Variants in CDC42EP5 observed in about 807,000 individuals in gnomAD.
CDC42EP5 encodes the protein CDC42 effector protein (Rho GTPase binding) 5.
For missense variants in CDC42EP5, 269 were observed against 238.0 expected (o/e 1.13, Z -0.86); for synonymous variants, 118 against 123.3 (o/e 0.96, Z 0.28).
At chr19:54,468,920 C>CTTCTTTCTTTCTTTCT (rs144128477) in intron 2 of CDC42EP5, among the ~76,000 whole-genome samples, 294 of 123,410 alleles carry the variant, frequency 2.4e-3, no homozygotes, top group South Asian at 4.8e-3. Context: ...TCCTTCCTTC[C>CTTCTTTCTTTCTTTCT]TTCTTTCTTT....
Position 54,465,164 on chromosome 19 carries a change from C to T in CDC42EP5, c.384G>A (p.Gln128=). 7.1e-7 allele frequency: 1 copy of T among 1,410,870 alleles called. No individual in the cohort carries two copies. The highest frequency in any genetic ancestry group is 9.2e-7 in the Non-Finnish European group (1 of 1,090,306). 87.4% of individuals were successfully genotyped at this position (1,410,870 alleles called of 1,614,324 possible). ...KPDAEPRPGT[Q]PPQARCRPNA... Reference sequence around the variant, plus strand: ...TGGGGCGGCAGCGGGCCTGGGGGGGCTGCGTCCCGGGGCGGGGTTCCGCGT... The same window carrying T: ...TGGGGCGGCAGCGGGCCTGGGGGGGTTGCGTCCCGGGGCGGGGTTCCGCGT... Residue 128 remains glutamine (Q), a synonymous_variant, in exon 3 of 3, where the codon CAG becomes CAA. Coordinates refer to ENST00000301200, the MANE Select transcript of CDC42EP5 (RefSeq NM_145057.4).
chr19:54,465,411 G>A lies in CDC42EP5; in HGVS notation c.137C>T (p.Thr46Ile), dbSNP rs761280702. 5.0e-6 allele frequency: 7 copies of A among 1,399,882 alleles called. 1 individual carries two copies. The South Asian group carries it at 7.2e-5, about 14-fold the overall frequency. The allele number at this position is 1,399,882 out of a possible 1,614,324, so 86.7% of individuals were successfully genotyped here. A position where few individuals can be genotyped will look rare whatever the true frequency, so the allele number is the denominator to read the frequency against. Residue 46 changes from threonine to isoleucine, a missense_variant, in exon 3 of 3, where the codon ACC becomes ATC. By Grantham distance (89) the Thr-to-Ile change is moderately conservative. Transcript: ENST00000301200. The part of the protein sequence containing the change: ...VGRGGDAFGD[T>I]SFLSRHGGGP... ...GCCGCCGTGGCGGCTCAGGAACGAG[G>A]TGTCCCCGAAGGCGTCGCCGCCGCG...
chr19:54,465,311 G>A lies in CDC42EP5; in HGVS notation c.237C>T (p.Ser79=). 8.2e-7 allele frequency: 1 copy of A among 1,214,812 alleles called. No individual in the cohort carries two copies. 75.3% of individuals were successfully genotyped at this position (1,214,812 alleles called of 1,614,324 possible). A position where few individuals can be genotyped will look rare whatever the true frequency, so the allele number is the denominator to read the frequency against. The change falls in exon 3 of 3, where the codon TCC becomes TCT. Residue 79 remains serine, a synonymous_variant. Transcript: ENST00000301200. ...RSPPPPAVPQ[S]AAPSPADPLL... ...GCGGGTCGGCAGGCGAGGGCGCTGC[G>A]GACTGCGGGACGGCGGGCGGCGGCG...
chr19:54,465,351 C>T lies in CDC42EP5; in HGVS notation c.197G>A (p.Gly66Glu), dbSNP rs1214161489. 8.6e-7 allele frequency: 1 copy of T among 1,161,164 alleles called. No individual in the cohort carries two copies. The highest frequency in any genetic ancestry group is 1.1e-6 in the Non-Finnish European group (1 of 942,952). The allele number at this position is 1,161,164 out of a possible 1,614,324, so 71.9% of individuals were successfully genotyped here. ...PPPEPRAPPA[G>E]APRSPPPPAV... The stretch of plus-strand genomic sequence containing the variant: ...GGGCGGCGGCGGGGAGCGCGGGGCC[C>T]CCGCGGGGGGCGCCCGGGGCTCGGG... Residue 66 changes from glycine (G) to glutamate (E), a missense_variant, in exon 3 of 3, where the codon GGG becomes GAG. Gly to Glu is a moderately conservative substitution (Grantham distance 98). Coordinates refer to ENST00000301200, the MANE Select transcript of CDC42EP5 (RefSeq NM_145057.4).
intron 2 of CDC42EP5, among the ~76,000 whole-genome samples, chr19:54,468,483 G>A (rs895959724): frequency 5.3e-5 from 8 of 151,562 alleles, no homozygotes; most frequent in Non-Finnish European, 7.4e-5. Context: ...TATTTTTATC[G>A]TTACCTAGCA....
At chr19:54,467,568 C>T (rs1478505294) in intron 2 of CDC42EP5, among the ~76,000 whole-genome samples, 2 of 137,926 alleles carry the variant, frequency 1.5e-5, no homozygotes, top group Non-Finnish European at 3.1e-5. Context: ...GCACCAAATT[C>T]TTTTTTTTTT....
chr19:54,471,419 G>A (rs2084835518), intron 2 of CDC42EP5, 126 bp downstream of exon 2: 1 of 152,032 alleles, frequency 6.6e-6, no homozygotes, highest in Non-Finnish European at 1.5e-5. Flanking sequence ...CCCCAGATGG[G>A]GAGACCCCCG....
In CDC42EP5 at chr19:54,466,112, C is replaced by T. The variant is rs1388956452; in HGVS notation, c.1-565G>A. 6.6e-5 allele frequency among the ~76,000 whole-genome samples: 10 copies of T among 152,238 alleles called. No homozygotes were observed. The East Asian group carries it at 1.2e-3, about 18-fold the overall frequency. On this transcript the variant is annotated intron_variant, in intron 2 of 2. Transcript: ENST00000301200. ...GTCAAGTAACAAATATTTCACAAAC[C>T]CTTCAGAGTGCTTCCCAGACTTGAC...
At chr19:54,465,997 T>G (rs1347366344) in intron 2 of CDC42EP5, among the ~76,000 whole-genome samples, 1 of 152,164 alleles carries the variant, frequency 6.6e-6, no homozygotes, top group Non-Finnish European at 1.5e-5. Flanking sequence ...GCTGCTGAGC[T>G]CACATTTGGA....
chr19:54,465,597 C>A, intron 2 of CDC42EP5, 50 bp from the exon 3 acceptor site: 2 of 1,399,192 alleles, frequency 1.4e-6, no homozygotes, highest in Middle Eastern at 2.6e-4. Context: ...GGGCTCGCAG[C>A]CACGCGACTG....
At chr19:54,468,779 T>G (rs1338468545) in intron 2 of CDC42EP5, among the ~76,000 whole-genome samples, 11 of 151,212 alleles carry the variant, frequency 7.3e-5, no homozygotes, top group African/African-American at 2.4e-4. Flanking sequence ...CTCAAACTCC[T>G]GAGCTCAAGC....
intron 2 of CDC42EP5, among the ~76,000 whole-genome samples, chr19:54,467,819 G>A (rs1241619202): frequency 6.6e-6 from 1 of 152,152 alleles, no homozygotes; most frequent in Non-Finnish European, 1.5e-5. Context: ...CACCACGCCC[G>A]GCCTAAATTC....
intron 2 of CDC42EP5, among the ~76,000 whole-genome samples, chr19:54,470,399 GAGAGAGAAAA>G (rs1247730506): frequency 1.3e-4 from 19 of 147,904 alleles, no homozygotes; most frequent in Non-Finnish European, 2.7e-4. Flanking sequence ...AAAGGAGAGA[GAGAGAGAAAA>G]AGAGAGAGAA....
At chr19:54,468,847 C>T (rs1337659430) in intron 2 of CDC42EP5, among the ~76,000 whole-genome samples, 1 of 148,424 alleles carries the variant, frequency 6.7e-6, no homozygotes, top group Non-Finnish European at 1.5e-5. Flanking sequence ...CCAGTAAGCC[C>T]GGCCAATACT....
chr19:54,466,526 A>G (rs1244940571), intron 2 of CDC42EP5, among the ~76,000 whole-genome samples: 6 of 152,222 alleles, frequency 3.9e-5, no homozygotes, highest in Non-Finnish European at 7.3e-5. Flanking sequence ...GACTCTGTCC[A>G]TTAAGCAAAG....
At chr19:54,466,356 C>T (rs2084756693) in intron 2 of CDC42EP5, among the ~76,000 whole-genome samples, 1 of 152,104 alleles carries the variant, frequency 6.6e-6, no homozygotes, top group African/African-American at 2.4e-5. Flanking sequence ...GCTTGAACCC[C>T]GGAGGCGGAG....
Position 54,465,058 on chromosome 19 carries a change from G to T in CDC42EP5, c.*43C>A. On this transcript the variant is annotated 3_prime_UTR_variant, in exon 3 of 3. Coordinates refer to ENST00000301200, the MANE Select transcript of CDC42EP5 (RefSeq NM_145057.4). ...CACACCTTGGCCGTTTATGTATACA[G>T]AAGTGGGGTGCCGGGCGGGAAGGGC... is the stretch of plus-strand genomic sequence containing the variant. 7.7e-7 allele frequency: 1 copy of T among 1,293,794 alleles called. No homozygotes were observed. Among genetic ancestry groups the T allele is most frequent in the African/African-American group, 1.5e-5 (1 of 64,794 alleles). The allele number at this position is 1,293,794 out of a possible 1,614,324, so 80.1% of individuals were successfully genotyped here.
intron 2 of CDC42EP5, among the ~76,000 whole-genome samples, chr19:54,470,574 GAAGA>G (rs1208163095): frequency 6.6e-6 from 1 of 151,976 alleles, no homozygotes; most frequent in Non-Finnish European, 1.5e-5. Flanking sequence ...GAAAGAAAGG[GAAGA>G]AAGAAAGACT....
rs895305280 is a variant in CDC42EP5 at position 54,465,692 on chromosome 19, A to G, written c.1-145T>C. On this transcript the variant is annotated intron_variant, in intron 2 of 2. Coordinates refer to ENST00000301200, the MANE Select transcript of CDC42EP5 (RefSeq NM_145057.4). ...GGAGTCTCGCCCATGCTGGAGTTCA[A>G]TGGCGCCATCCCGGCTCACCGCAAC... 1.7e-5 allele frequency: 18 copies of G among 1,058,932 alleles called. No individual in the cohort carries two copies. In the African/African-American group the frequency reaches 2.5e-4, roughly 15 times the overall value. The allele number at this position is 1,058,932 out of a possible 1,614,324, so 65.6% of individuals were successfully genotyped here.
Sources: gnomAD v4.1 joint callset for allele counts (sites outside exome capture counted in the v4.1 genomes callset) on GRCh38, gnomAD v4.1.1 for gene constraint, MANE v1.5 for transcripts, NCBI Gene and HGNC (gene_info 2026-07-23, HGNC 2026-07-21) for gene names.